The following HYDIN variants were observed in gnomAD, a reference collection of about 807,000 sequenced individuals.
The protein encoded by HYDIN is HYDIN axonemal central pair apparatus protein.
HYDIN carries 132 observed loss-of-function variants against 403.9 expected under a neutral mutation model. That is an observed-to-expected ratio of 0.33 (90% CI 0.28 to 0.38). The LOEUF is 0.38. Among genes scored for constraint, HYDIN ranks in the 10% least tolerant of loss-of-function variants. HYDIN has a pLI of 1.00. For synonymous variants in HYDIN, 1,202 were observed against 1,891.7 expected, an observed-to-expected ratio of 0.64 and a Z score of 9.46; for missense variants, 2,827 against 5,009.5, an observed-to-expected ratio of 0.56 and a Z score of 13.15.
At chr16:70,946,693 A>G (rs529915200) in intron 41 of HYDIN, among the ~76,000 whole-genome samples, 1 of 152,160 alleles carries the variant, frequency 6.6e-6, no homozygotes, top group Non-Finnish European at 1.5e-5. Context: ...AGAGTTAGTC[A>G]TCTGTAAAGT....
intron 69 of HYDIN, among the ~76,000 whole-genome samples, chr16:70,861,288 T>A (rs921324734): frequency 2.0e-5 from 3 of 151,890 alleles, no homozygotes; most frequent in African/African-American, 7.2e-5. Flanking sequence ...TATGAGCAGA[T>A]GCTCAGCTCC....
rs1266156699 is a variant in HYDIN, at chr16:70,802,316, A to G, written c.*5264T>C. On this transcript the variant is annotated 3_prime_UTR_variant, in exon 86 of 86. Coordinates refer to ENST00000393567, the MANE Select transcript of HYDIN (RefSeq NM_001270974.2). ...ATATGATGGGCTATGCATCACTCAC[A>G]TGATTATATTATGTAATATCGCAGA... 1 of 152,206 alleles carries G rather than the reference A, an allele frequency of 6.6e-6. No homozygotes were observed. Among genetic ancestry groups the G allele is most frequent in the Non-Finnish European group, 1.5e-5 (1 of 68,040 alleles). 9.4% of individuals were successfully genotyped at this position (152,206 alleles called of 1,614,324 possible).
At chr16:70,925,828 G>C (rs1402164556) in intron 45 of HYDIN, among the ~76,000 whole-genome samples, 1 of 152,180 alleles carries the variant, frequency 6.6e-6, no homozygotes, top group Non-Finnish European at 1.5e-5. Context: ...CTCAAAAGAA[G>C]ATATTTATGC....
chr16:71,185,431 T>C (rs2087098946), intron 2 of HYDIN, among the ~76,000 whole-genome samples: 2 of 152,314 alleles, frequency 1.3e-5, no homozygotes, highest in South Asian at 4.1e-4. Context: ...AACAAAGCTT[T>C]TGGGTGTTTA....
intron 18 of HYDIN, among the ~76,000 whole-genome samples, chr16:71,037,861 C>T (rs2081146092): frequency 6.6e-6 from 1 of 152,216 alleles, no homozygotes; most frequent in Admixed American, 6.5e-5. Context: ...GAGAATCCAG[C>T]CTGACTATGG....
At chr16:70,931,161 A>C (rs12149560) in intron 45 of HYDIN, among the ~76,000 whole-genome samples, 65 of 149,554 alleles carry the variant, frequency 4.3e-4, no homozygotes, top group Non-Finnish European at 7.2e-4. Context: ...TGAGCAAATA[A>C]ATTTTTTTTA....
chr16:71,158,547 G>A (rs895857311), intron 6 of HYDIN, among the ~76,000 whole-genome samples: 1 of 146,782 alleles, frequency 6.8e-6, no homozygotes, highest in Non-Finnish European at 1.5e-5. Flanking sequence ...AGGAAGATAT[G>A]TTCCCGCACT....
At chr16:70,808,153 A>C (rs567031890) in intron 85 of HYDIN, 91 bp from the exon 86 acceptor site, 1 of 1,406,132 alleles carries the variant, frequency 7.1e-7, no homozygotes, top group African/African-American at 1.4e-5. Flanking sequence ...ACTCCTGGAC[A>C]TCAAGCAACT....
In HYDIN at chr16:70,985,146, C is replaced by G. The variant is rs375332437; in HGVS notation, c.4332+39G>C. 8 of 1,602,914 alleles carry G rather than the reference C, an allele frequency of 5.0e-6. No individual in the cohort carries two copies. The Admixed American group carries it at 1.0e-4, about 20-fold the overall frequency. On this transcript the variant is annotated intron_variant, in intron 28 of 85. Transcript: ENST00000393567. ...TACTCACCTGCTTCGGAGTGGGGCTCGTAGGTTTGAATTCGGGCCCCTCCC... is the reference window on the plus strand; with the variant it reads ...TACTCACCTGCTTCGGAGTGGGGCTGGTAGGTTTGAATTCGGGCCCCTCCC...
At chr16:71,228,037 C>G (rs1055030925) in intron 1 of HYDIN, among the ~76,000 whole-genome samples, 1 of 152,014 alleles carries the variant, frequency 6.6e-6, no homozygotes, top group Non-Finnish European at 1.5e-5. Flanking sequence ...CTTTGACAAA[C>G]CTGACAAAAA....
At position 71,094,006 on chromosome 16, in the gene HYDIN, C is replaced by G. The variant is rs1005690859; in HGVS notation, c.1328-71G>C. 15 of 1,298,182 alleles carry G rather than the reference C, an allele frequency of 1.2e-5. No homozygotes were observed. The East Asian group carries it at 1.2e-4, about 10-fold the overall frequency. 80.4% of individuals were successfully genotyped at this position (1,298,182 alleles called of 1,614,324 possible). A position where few individuals can be genotyped will look rare whatever the true frequency, so the allele number is the denominator to read the frequency against. On this transcript the variant is annotated intron_variant, in intron 10 of 85. Transcript: ENST00000393567. Reference sequence around the variant, plus strand: ...ACCCCAAATCATGTTCCCTCATGTACGTTACCAATATAAATAATCAAAATT... The same window carrying G: ...ACCCCAAATCATGTTCCCTCATGTAGGTTACCAATATAAATAATCAAAATT...
Position 71,064,724 on chromosome 16 carries a change from A to C in HYDIN, c.2192T>G (p.Phe731Cys), listed in dbSNP as rs1333472165. The C allele has an allele frequency of 6.2e-6, 10 of 1,614,000 alleles. No homozygotes were observed. The highest frequency in any genetic ancestry group is 7.6e-6 in the Non-Finnish European group (9 of 1,179,982). The change falls in exon 16 of 86, where the codon TTC (phenylalanine) becomes TGC (cysteine). Residue 731 changes from phenylalanine to cysteine, a missense_variant. Physicochemically the swap from Phe to Cys is radical, Grantham distance 205. Transcript: ENST00000393567. ...QLANQDDLPGFYEVQPQVCEE... is the reference protein window; with the variant it reads ...QLANQDDLPGCYEVQPQVCEE... ...ACTCACCTGAGGCTGGACCTCATAG[A>C]ATCCTGGGAGGTCATCTTGATTGGC...
At chr16:70,900,731 T>G (rs2076346805) in intron 53 of HYDIN, among the ~76,000 whole-genome samples, 1 of 151,418 alleles carries the variant, frequency 6.6e-6, no homozygotes, top group African/African-American at 2.4e-5. Context: ...ATTCATTCAT[T>G]CATTCATTCA....
At chr16:71,027,180 G>C in intron 20 of HYDIN, 1 of 1,049,528 alleles carries the variant, frequency 9.5e-7, no homozygotes, top group South Asian at 3.4e-5. Flanking sequence ...TTGCAGTCAG[G>C]CTGGAAAGAA....
chr16:70,840,748 GCAGA>G (rs1314061528), intron 75 of HYDIN, among the ~76,000 whole-genome samples: 1 of 152,078 alleles, frequency 6.6e-6, no homozygotes, highest in Non-Finnish European at 1.5e-5. Context: ...ACTCTGGAAT[GCAGA>G]CATAGGATGT....
At chr16:71,215,122 G>T (rs1482583749) in intron 1 of HYDIN, among the ~76,000 whole-genome samples, 2 of 152,130 alleles carry the variant, frequency 1.3e-5, no homozygotes, top group African/African-American at 2.4e-5. Context: ...AACTTGCAGG[G>T]TTCTCCCATT....
rs1344947314 is a variant in HYDIN at position 70,875,182 on chromosome 16, A to G, written c.10558-263T>C. On this transcript the variant is annotated intron_variant, in intron 62 of 85. Transcript: ENST00000393567. ...GTATGCAGAACTTTCCAGATCACGT[A>G]GGTAGTGTCAAAATGTGGTTGCCAA... Among the ~76,000 whole-genome samples, 4 of 150,764 alleles carry G rather than the reference A, an allele frequency of 2.7e-5. No homozygotes were observed. In the East Asian group the frequency reaches 7.7e-4, roughly 29 times the overall value.
rs759101731 is a variant in HYDIN, at chr16:71,067,358, G to C, written c.2007C>G (p.Tyr669Ter). ...VTLCSNTVQK[Y>*]ELALVVDVEG... Reference sequence around the variant, plus strand: ...CCACGTCCACCACGAGTGCCAGCTCGTATTTCTGCACAGTGTTGGAGCATA... The same window carrying C: ...CCACGTCCACCACGAGTGCCAGCTCCTATTTCTGCACAGTGTTGGAGCATA... The change falls in exon 15 of 86, where the codon TAC becomes TAG. Residue 669 changes from tyrosine to a stop codon, truncating the protein, a stop_gained. Transcript: ENST00000393567. LOFTEE classifies it high-confidence loss of function. 6.2e-7 allele frequency: 1 copy of C among 1,612,198 alleles called. No homozygotes were observed. Among genetic ancestry groups the C allele is most frequent in the Non-Finnish European group, 8.5e-7 (1 of 1,179,446 alleles).
intron 10 of HYDIN, among the ~76,000 whole-genome samples, chr16:71,098,203 C>CTTTTTTTT: frequency 7.7e-6 from 1 of 130,384 alleles, no homozygotes; most frequent in Non-Finnish European, 1.5e-5. Context: ...AACTTTCTTT[C>CTTTTTTTT]TTTTTTTTTT....
Sources: allele counts gnomAD v4.1 joint callset (sites outside exome capture counted in the v4.1 genomes callset), GRCh38; gene constraint gnomAD v4.1.1; transcripts MANE v1.5; gene names NCBI Gene and HGNC (gene_info 2026-07-23, HGNC 2026-07-21).